Variants in RANBP3L observed in about 807,000 individuals in gnomAD.
RANBP3L encodes RAN binding protein 3 like, also known as ran-binding protein 3-like.
In RANBP3L, 56 loss-of-function variants were observed where a neutral mutation model predicts 67.2. The ratio of observed to expected loss-of-function variants is 0.83; its 90% confidence interval spans 0.67 to 1.04. The LOEUF is 1.04. Among genes scored for constraint, RANBP3L ranks in the 50% least tolerant of loss-of-function variants. The probability of loss-of-function intolerance (pLI) is 0.00; values close to 1 mark genes in which losing one functional copy is unlikely to be tolerated. For missense variants in RANBP3L, 496 were observed against 535.5 expected, an observed-to-expected ratio of 0.93 and a Z score of 0.73; for synonymous variants, 164 against 181.4, an observed-to-expected ratio of 0.90 and a Z score of 0.77.
At chr5:36,264,579 T>C (rs185653577) in intron 6 of RANBP3L, among the ~76,000 whole-genome samples, 1 of 152,178 alleles carries the variant, frequency 6.6e-6, no homozygotes, top group Non-Finnish European at 1.5e-5. Flanking sequence ...TGACCTAAAC[T>C]GGCAACGATA....
intron 4 of RANBP3L, among the ~76,000 whole-genome samples, chr5:36,266,080 G>C (rs1268843031): frequency 6.6e-6 from 1 of 151,716 alleles, no homozygotes. Flanking sequence ...TAGCAGAAAA[G>C]GCAGTCTTTT....
At chr5:36,288,815 G>A (rs956013715) in intron 1 of RANBP3L, among the ~76,000 whole-genome samples, 2 of 151,628 alleles carry the variant, frequency 1.3e-5, no homozygotes, top group Non-Finnish European at 2.9e-5. Context: ...AAATCAAATT[G>A]TTTATCATGA....
intron 5 of RANBP3L, 45 bp from the exon 6 acceptor site, chr5:36,265,143 AT>A (rs1360251156): frequency 8.3e-7 from 1 of 1,200,828 alleles, no homozygotes; most frequent in Admixed American, 2.4e-5. Flanking sequence ...TTACTGAAAT[AT>A]TCCTTTACTC....
chr5:36,256,853 T>C (rs779250939), intron 10 of RANBP3L, 88 bp downstream of exon 10: 21 of 1,232,666 alleles, frequency 1.7e-5, no homozygotes, highest in Non-Finnish European at 2.3e-5. Context: ...TATACTTCTG[T>C]CTGTATTTTT....
At position 36,261,559 on chromosome 5, in the gene RANBP3L, T is replaced by C. The variant is rs12658779; in HGVS notation, c.584+380A>G. On this transcript the variant is annotated intron_variant, in intron 7 of 13. Transcript: ENST00000296604. Reference sequence around the variant, plus strand: ...TTGCAGATTTATACTGCTTTCCTTGTTGCTTATCTAACCTATGCCAATAAA... The same window carrying C: ...TTGCAGATTTATACTGCTTTCCTTGCTGCTTATCTAACCTATGCCAATAAA... 0.012 allele frequency among the ~76,000 whole-genome samples: 1,836 copies of C among 152,270 alleles called. 150 individuals carry two copies. The East Asian group carries it at 0.22, about 18-fold the overall frequency.
intron 1 of RANBP3L, among the ~76,000 whole-genome samples, chr5:36,286,901 G>C (rs1318447593): frequency 6.6e-6 from 1 of 152,092 alleles, no homozygotes; most frequent in East Asian, 1.9e-4. Context: ...TGAGCACCCT[G>C]CTTAAATCAG....
intron 1 of RANBP3L, among the ~76,000 whole-genome samples, chr5:36,299,942 T>C (rs987356723): frequency 2.6e-5 from 4 of 152,164 alleles, no homozygotes; most frequent in Non-Finnish European, 5.9e-5. Context: ...TCCATACAAG[T>C]GCATAGAAGA....
chr5:36,277,100 C>T (rs1027273657), intron 1 of RANBP3L, among the ~76,000 whole-genome samples: 1 of 152,222 alleles, frequency 6.6e-6, no homozygotes, highest in African/African-American at 2.4e-5. Context: ...TGGGTCAGCT[C>T]TAATTGCTAC....
At position 36,255,601 on chromosome 5, in the gene RANBP3L, A is replaced by T; in HGVS notation, c.904-11T>A. 1 of 1,591,576 alleles carries T rather than the reference A, an allele frequency of 6.3e-7. No individual in the cohort carries two copies. Among genetic ancestry groups the T allele is most frequent in the Non-Finnish European group, 8.6e-7 (1 of 1,166,468 alleles). ...AAGCTTGCAGTTTATCTAAATGACA[A>T]TTTTTTAAAATGTCAAATATATAGA... On this transcript the variant is annotated splice_polypyrimidine_tract_variant and intron_variant, in intron 10 of 13. Coordinates refer to ENST00000296604, the MANE Select transcript of RANBP3L (RefSeq NM_145000.5).
intron 1 of RANBP3L, among the ~76,000 whole-genome samples, chr5:36,298,216 C>A (rs1752367638): frequency 1.3e-5 from 2 of 151,136 alleles, no homozygotes; most frequent in South Asian, 4.2e-4. Context: ...AGAAGAATCA[C>A]TTGAACCCGG....
intron 1 of RANBP3L, among the ~76,000 whole-genome samples, chr5:36,294,396 T>C (rs1752038200): frequency 6.6e-6 from 1 of 152,078 alleles, no homozygotes; most frequent in South Asian, 2.1e-4. Context: ...TGTGTCTCTA[T>C]TTCCTTCAGT....
intron 1 of RANBP3L, 136 bp from the exon 2 acceptor site, chr5:36,271,447 G>GA: frequency 3.2e-6 from 2 of 618,204 alleles, no homozygotes; most frequent in South Asian, 4.1e-5. Context: ...TATTTTACAT[G>GA]AATACTATCA....
At chr5:36,286,421 C>T (rs1751328695) in intron 1 of RANBP3L, among the ~76,000 whole-genome samples, 1 of 152,172 alleles carries the variant, frequency 6.6e-6, no homozygotes, top group Admixed American at 6.5e-5. Flanking sequence ...TCAATCACTT[C>T]CTAACACTCA....
Position 36,247,149 on chromosome 5 carries a change from A to C in RANBP3L, c.*2505T>G, listed in dbSNP as rs1748344904. 6.6e-6 allele frequency among the ~76,000 whole-genome samples: 1 copy of C among 152,226 alleles called. No individual in the cohort carries two copies. Among genetic ancestry groups the C allele is most frequent in the South Asian group, 2.1e-4 (1 of 4,830 alleles). ...ACAACTCATCTCTCCTTATAAAAGG[A>C]GAACAAAGGACATAGGAAAGCTGAA... is the stretch of plus-strand genomic sequence containing the variant. On this transcript the variant is annotated 3_prime_UTR_variant, in exon 14 of 14. Coordinates refer to ENST00000296604, the MANE Select transcript of RANBP3L (RefSeq NM_145000.5).
At chr5:36,254,978 C>G (rs374325850) in intron 11 of RANBP3L, among the ~76,000 whole-genome samples, 1 of 152,206 alleles carries the variant, frequency 6.6e-6, no homozygotes, top group African/African-American at 2.4e-5. Flanking sequence ...TCCTTCATCC[C>G]GACCCCCATC....
intron 1 of RANBP3L, among the ~76,000 whole-genome samples, chr5:36,281,100 A>G (rs1342564240): frequency 6.6e-6 from 1 of 152,144 alleles, no homozygotes; most frequent in Non-Finnish European, 1.5e-5. Flanking sequence ...GGTTTTAAAA[A>G]CCTGAGCTTT....
In RANBP3L at chr5:36,271,112, A is replaced by T. The variant is rs930367393; in HGVS notation, c.150+141T>A. On this transcript the variant is annotated intron_variant, in intron 2 of 13. Coordinates refer to ENST00000296604, the MANE Select transcript of RANBP3L (RefSeq NM_145000.5). ...ACTGAAGTTTGTAAATCCTGACTAT[A>T]TAAATAATCTGGAGGCACTACTCTG... 10 of 627,386 alleles carry T rather than the reference A, an allele frequency of 1.6e-5. No individual in the cohort carries two copies. In the East Asian group the frequency reaches 2.9e-4, roughly 18 times the overall value. The allele number at this position is 627,386 out of a possible 1,614,324, so 38.9% of individuals were successfully genotyped here. A position where few individuals can be genotyped will look rare whatever the true frequency, so the allele number is the denominator to read the frequency against.
intron 1 of RANBP3L, among the ~76,000 whole-genome samples, chr5:36,289,000 C>T (rs1751520584): frequency 6.6e-6 from 1 of 150,974 alleles, no homozygotes; most frequent in Non-Finnish European, 1.5e-5. Flanking sequence ...TAAAAAGCTG[C>T]CTTTTTGATG....
At chr5:36,268,750 C>G (rs1362213962) in intron 4 of RANBP3L, among the ~76,000 whole-genome samples, 1 of 151,766 alleles carries the variant, frequency 6.6e-6, no homozygotes, top group Non-Finnish European at 1.5e-5. Context: ...ACACTGTCAC[C>G]CCACCTGGAG....
Sources: gnomAD v4.1 joint callset for allele counts (sites outside exome capture counted in the v4.1 genomes callset) on GRCh38, gnomAD v4.1.1 for gene constraint, MANE v1.5 for transcripts, NCBI Gene and HGNC (gene_info 2026-07-23, HGNC 2026-07-21) for gene names.